The following RGS7 variants were observed in gnomAD, a reference collection of about 807,000 sequenced individuals.
The protein encoded by RGS7 is regulator of G-protein signaling 7.
Under a neutral mutation model 81.1 loss-of-function variants are expected in RGS7, and 27 were observed. That is an observed-to-expected ratio of 0.33 (90% confidence interval 0.25 to 0.46). RGS7 has a LOEUF of 0.46. Ranked by LOEUF, RGS7 falls within the 20% of genes least tolerant of loss-of-function variation. The pLI is 1.00. For missense variants in RGS7, 396 were observed against 607.4 expected (o/e 0.65, Z 3.66); for synonymous variants, 208 against 207.7 (o/e 1.00, Z -0.01).
chr1:241,092,377 G>A (rs968594748), intron 3 of RGS7, among the ~76,000 whole-genome samples: 1 of 152,058 alleles, frequency 6.6e-6, no homozygotes, highest in African/African-American at 2.4e-5. Flanking sequence ...AAGTACAAAG[G>A]ATTTTTTAGC....
At chr1:240,995,075 T>C (rs1358133051) in intron 3 of RGS7, among the ~76,000 whole-genome samples, 1 of 152,348 alleles carries the variant, frequency 6.6e-6, no homozygotes, top group East Asian at 1.9e-4. Flanking sequence ...TTTTGTCTAC[T>C]AGCTTTTCTA....
intron 5 of RGS7, among the ~76,000 whole-genome samples, chr1:240,932,512 A>ATTTTTTTTTTT (rs1388590625): frequency 1.2e-4 from 2 of 16,096 alleles, no homozygotes; most frequent in Non-Finnish European, 2.1e-4. Context: ...GTAGGGTGTC[A>ATTTTTTTTTTT]CTTTTTTTTT....
At chr1:241,259,026 C>A (rs1194160883) in intron 2 of RGS7, among the ~76,000 whole-genome samples, 1 of 152,042 alleles carries the variant, frequency 6.6e-6, no homozygotes, top group East Asian at 1.9e-4. Context: ...AGGTATGCGC[C>A]CCAGTTCCTG....
At chr1:240,880,182 A>C (rs1666130997) in intron 6 of RGS7, among the ~76,000 whole-genome samples, 1 of 152,116 alleles carries the variant, frequency 6.6e-6, no homozygotes, top group South Asian at 2.1e-4. Flanking sequence ...GCTGAGACTC[A>C]CAGGCACATG....
intron 6 of RGS7, among the ~76,000 whole-genome samples, chr1:240,927,010 G>T (rs1201282892): frequency 6.6e-6 from 1 of 152,138 alleles, no homozygotes; most frequent in African/African-American, 2.4e-5. Flanking sequence ...TTAAACTGGG[G>T]ATGGAAACAG....
At position 240,831,758 on chromosome 1, in the gene RGS7, T is replaced by C. The variant is rs113321582; in HGVS notation, c.610-4586A>G. On this transcript the variant is annotated intron_variant, in intron 9 of 18. Transcript: ENST00000440928. ...TCAAGTGATTCTCCTGTCTCAGCCT[T>C]CTGAGTAGCTGGGATTACAGGCGGG... 6.2e-3 allele frequency among the ~76,000 whole-genome samples: 946 copies of C among 152,010 alleles called. 8 individuals carry two copies. The highest frequency in any genetic ancestry group is 0.021 in the African/African-American group (855 of 41,486).
intron 9 of RGS7, 104 bp from the exon 10 acceptor site, chr1:240,827,276 A>G (rs1450355826): frequency 4.6e-6 from 4 of 877,886 alleles, no homozygotes; most frequent in Non-Finnish European, 3.9e-6. Context: ...AAATGCCCCA[A>G]TGACACAAAT....
At chr1:241,185,744 C>T (rs578233722) in intron 2 of RGS7, among the ~76,000 whole-genome samples, 65 of 151,630 alleles carry the variant, frequency 4.3e-4, no homozygotes, top group Admixed American at 2.9e-3. Flanking sequence ...TAACCATAAG[C>T]CAAAGAAGAA....
chr1:240,859,606 TCCTTAGTTAA>T (rs988562498), intron 9 of RGS7, among the ~76,000 whole-genome samples: 5 of 151,972 alleles, frequency 3.3e-5, no homozygotes, highest in Non-Finnish European at 7.4e-5. Context: ...CTCCCTTTAT[TCCTTAGTTAA>T]CCTGGCTAGA....
chr1:240,868,201 G>C lies in RGS7; in HGVS notation c.609+386C>G, dbSNP rs1167196806. 6.6e-6 allele frequency among the ~76,000 whole-genome samples: 1 copy of C among 150,782 alleles called. No individual in the cohort carries two copies. The highest frequency in any genetic ancestry group is 1.5e-5 in the Non-Finnish European group (1 of 67,720). On this transcript the variant is annotated intron_variant, in intron 9 of 18. Coordinates refer to ENST00000440928, the MANE Select transcript of RGS7 (RefSeq NM_001364886.1). This position sits in a 1 kb window ranked among gnomAD's most constrained non-coding sequence, Gnocchi z 5.1. ...ACGAAGGAAGGAAGGAAGGAACGAA[G>C]GAACGAAGGGAGGGAAGGAAAATCA...
At chr1:240,995,525 C>A (rs1319255848) in intron 3 of RGS7, among the ~76,000 whole-genome samples, 1 of 152,086 alleles carries the variant, frequency 6.6e-6, no homozygotes, top group Non-Finnish European at 1.5e-5. Context: ...TTGCGCTATT[C>A]AAATTATCCA....
intron 2 of RGS7, among the ~76,000 whole-genome samples, chr1:241,201,661 T>C (rs924437103): frequency 2.0e-5 from 3 of 152,128 alleles, no homozygotes; most frequent in African/African-American, 4.8e-5. Context: ...AAAACTACTT[T>C]TGTCTACTTT....
At chr1:240,849,642 G>C (rs542339504) in intron 9 of RGS7, among the ~76,000 whole-genome samples, 1 of 152,014 alleles carries the variant, frequency 6.6e-6, no homozygotes, top group African/African-American at 2.4e-5. Flanking sequence ...GTAAGTTCCC[G>C]AGAGATCTGG....
chr1:240,830,822 G>C (rs1023294571), intron 9 of RGS7, among the ~76,000 whole-genome samples: 1 of 152,144 alleles, frequency 6.6e-6, no homozygotes, highest in Admixed American at 6.5e-5. Context: ...CCTGGAAATC[G>C]TGTCAACCAT....
intron 3 of RGS7, among the ~76,000 whole-genome samples, chr1:240,991,301 A>G (rs1686421193): frequency 6.6e-6 from 1 of 152,206 alleles, no homozygotes; most frequent in Non-Finnish European, 1.5e-5. Context: ...TCAAAGCCCA[A>G]GAAGCTTTAA....
chr1:241,060,486 TC>T (rs1572495742), intron 3 of RGS7, among the ~76,000 whole-genome samples: 2 of 152,166 alleles, frequency 1.3e-5, no homozygotes, highest in East Asian at 3.9e-4. Context: ...CAACTTCCAC[TC>T]CCAGTTTTCC....
At chr1:240,936,124 A>AGT (rs896209528) in intron 5 of RGS7, among the ~76,000 whole-genome samples, 3 of 151,746 alleles carry the variant, frequency 2.0e-5, no homozygotes, top group African/African-American at 7.3e-5. Context: ...GTTGCAGTTG[A>AGT]GTGCACACAC....
intron 3 of RGS7, among the ~76,000 whole-genome samples, chr1:241,072,714 T>C (rs1489187911): frequency 1.3e-5 from 2 of 152,128 alleles, no homozygotes; most frequent in Non-Finnish European, 2.9e-5. Flanking sequence ...GTGTGTGTAT[T>C]TATGCACCTG....
At chr1:241,042,138 CA>C (rs1275065020) in intron 3 of RGS7, among the ~76,000 whole-genome samples, 1 of 152,132 alleles carries the variant, frequency 6.6e-6, no homozygotes, top group Non-Finnish European at 1.5e-5. Context: ...CGATTCCTTC[CA>C]AAAGAACGCT....
Sources: gnomAD v4.1 joint callset for allele counts (sites outside exome capture counted in the v4.1 genomes callset) on GRCh38, gnomAD v4.1.1 for gene constraint, Gnocchi (gnomAD v3.1) non-coding constraint, MANE v1.5 for transcripts, NCBI Gene and HGNC (gene_info 2026-07-23, HGNC 2026-07-21) for gene names.